The following POFUT3 variants were observed in gnomAD, a reference collection of about 807,000 sequenced individuals.
The protein encoded by POFUT3 is protein O-fucosyltransferase 3, also known as GDP-fucose protein O-fucosyltransferase 3.
chr8:33,389,891 A>G, the POFUT3 span: 1 of 869,588 alleles, frequency 1.1e-6, no homozygotes, highest in Non-Finnish European at 1.8e-6. Context: ...GAGGAGTCTG[A>G]GGCTATGAAT....
chr8:33,408,323 A>T, the POFUT3 span, among the ~76,000 whole-genome samples: 59 of 152,108 alleles, frequency 3.9e-4, no homozygotes, highest in South Asian at 8.3e-4. Context: ...AAAAAAAAAA[A>T]AAAAGTTTCT....
the POFUT3 span, chr8:33,453,433 C>G: frequency 6.2e-7 from 1 of 1,613,918 alleles, no homozygotes; most frequent in Non-Finnish European, 8.5e-7. Context: ...TAGGTGCTTC[C>G]TCCATTTTTG....
the POFUT3 span, chr8:33,389,649 G>A: frequency 6.2e-7 from 1 of 1,614,194 alleles, no homozygotes; most frequent in Non-Finnish European, 8.5e-7. Context: ...AAGTGGGAAT[G>A]CCTGCTGAAC....
At chr8:33,451,970 C>G in the POFUT3 span, 4 of 152,086 alleles carry the variant, frequency 2.6e-5, no homozygotes, top group African/African-American at 9.7e-5. Flanking sequence ...TCCACCTGGT[C>G]CCACCCTTGA....
chr8:33,461,462 C>T, the POFUT3 span: 2 of 1,613,498 alleles, frequency 1.2e-6, no homozygotes, highest in Non-Finnish European at 1.7e-6. Context: ...TGCTGCCCTG[C>T]CCTGGGTGAC....
the POFUT3 span, among the ~76,000 whole-genome samples, chr8:33,447,798 C>T: frequency 1.3e-5 from 2 of 152,140 alleles, no homozygotes; most frequent in African/African-American, 4.8e-5. Context: ...GCTTTTGATA[C>T]TTCCATCATT....
the POFUT3 span, among the ~76,000 whole-genome samples, chr8:33,331,800 C>T: frequency 1.3e-5 from 2 of 152,074 alleles, no homozygotes; most frequent in African/African-American, 4.8e-5. Context: ...CTCAGCCTCC[C>T]GAGTAGCTGG....
chr8:33,461,573 C>A, the POFUT3 span: 1 of 1,555,312 alleles, frequency 6.4e-7, no homozygotes, highest in South Asian at 1.2e-5. Context: ...TCCTGCACTG[C>A]CATTCCTGCT....
the POFUT3 span, chr8:33,372,191 G>C: frequency 1.0e-6 from 1 of 997,508 alleles, no homozygotes; most frequent in Non-Finnish European, 1.2e-6. Context: ...CAGGATACCA[G>C]GTTTGCCAAA....
At chr8:33,325,592 C>T in the POFUT3 span, among the ~76,000 whole-genome samples, 286 of 152,300 alleles carry the variant, frequency 1.9e-3, no homozygotes, top group Non-Finnish European at 3.2e-3. Context: ...TTCTCTACCA[C>T]AAAGGGCAGT....
At chr8:33,471,237 T>G in the POFUT3 span, among the ~76,000 whole-genome samples, 36 of 151,950 alleles carry the variant, frequency 2.4e-4, no homozygotes, top group African/African-American at 6.5e-4. Context: ...GTTTTTGTTT[T>G]TTGTTGTTGT....
the POFUT3 span, among the ~76,000 whole-genome samples, chr8:33,456,426 C>G: frequency 2.0e-5 from 3 of 151,968 alleles, no homozygotes; most frequent in Non-Finnish European, 4.4e-5. Context: ...GGCGTGATCT[C>G]AGCCTACTGC....
At chr8:33,418,449 C>A in the POFUT3 span, among the ~76,000 whole-genome samples, 5 of 144,740 alleles carry the variant, frequency 3.5e-5, no homozygotes, top group Admixed American at 3.5e-4. Flanking sequence ...ATTATAGGCA[C>A]GCACCACCAC....
the POFUT3 span, among the ~76,000 whole-genome samples, chr8:33,311,541 G>A: frequency 3.3e-5 from 5 of 152,088 alleles, no homozygotes; most frequent in Non-Finnish European, 7.4e-5. Context: ...CCTCTAGAGC[G>A]CCTTACCCTC....
At chr8:33,350,665 G>A in the POFUT3 span, among the ~76,000 whole-genome samples, 1 of 152,048 alleles carries the variant, frequency 6.6e-6, no homozygotes, top group Non-Finnish European at 1.5e-5. Flanking sequence ...TAAGGTCAAG[G>A]GGCTTGCATG....
chr8:33,466,628 T>C, the POFUT3 span, among the ~76,000 whole-genome samples: 5 of 152,062 alleles, frequency 3.3e-5, no homozygotes, highest in African/African-American at 1.2e-4. Flanking sequence ...ACAGTAACAG[T>C]CAATCTAATA....
the POFUT3 span, among the ~76,000 whole-genome samples, chr8:33,370,240 A>G: frequency 6.8e-6 from 1 of 147,202 alleles, no homozygotes. Context: ...CTGTAATCCC[A>G]GCTACTTGGG....
At chr8:33,322,754 T>C in the POFUT3 span, among the ~76,000 whole-genome samples, 3 of 152,070 alleles carry the variant, frequency 2.0e-5, no homozygotes, top group Admixed American at 6.6e-5. Flanking sequence ...AAGACAGCAA[T>C]CTATATCTAC....
At chr8:33,456,683 A>G in the POFUT3 span, among the ~76,000 whole-genome samples, 4 of 152,330 alleles carry the variant, frequency 2.6e-5, no homozygotes, top group East Asian at 5.8e-4. Context: ...CACACTCTAG[A>G]AAAGTTAAAA....
Sources: allele counts gnomAD v4.1 joint callset (sites outside exome capture counted in the v4.1 genomes callset), GRCh38; gene constraint gnomAD v4.1.1; transcripts MANE v1.5; gene names NCBI Gene and HGNC (gene_info 2026-07-23, HGNC 2026-07-21).